Variants in KPNA3 observed in about 807,000 individuals in gnomAD.
The protein encoded by KPNA3 is karyopherin subunit alpha 3, also known as importin subunit alpha-4.
In KPNA3, 13 loss-of-function variants were observed where a neutral mutation model predicts 73.8. That is an observed-to-expected ratio of 0.18 (90% CI 0.11 to 0.28). The LOEUF is 0.28. Among genes scored for constraint, KPNA3 ranks in the 10% least tolerant of loss-of-function variants. KPNA3 has a pLI of 1.00. For missense variants in KPNA3, 360 were observed against 618.1 expected (o/e 0.58, Z 4.43); for synonymous variants, 186 against 206.9 (o/e 0.90, Z 0.87).
intron 9 of KPNA3, 27 bp downstream of exon 9, chr13:49,721,928 A>G (rs766050325): frequency 8.9e-6 from 13 of 1,458,952 alleles, no homozygotes; most frequent in Admixed American, 4.2e-5. Context: ...AAAATATACC[A>G]TCTGGCCTTT....
At chr13:49,728,504 T>G (rs995808935) in intron 6 of KPNA3, among the ~76,000 whole-genome samples, 2 of 152,178 alleles carry the variant, frequency 1.3e-5, no homozygotes, top group Non-Finnish European at 2.9e-5. Context: ...CAGCAGAGCT[T>G]CCAATGAAAA....
chr13:49,764,395 A>G (rs1954793110), intron 1 of KPNA3, among the ~76,000 whole-genome samples: 1 of 152,130 alleles, frequency 6.6e-6, no homozygotes, highest in Non-Finnish European at 1.5e-5. Context: ...CTGTCTGGAA[A>G]TCTTTCCAGG....
At chr13:49,751,063 G>C (rs1174072257) in intron 1 of KPNA3, among the ~76,000 whole-genome samples, 5 of 152,208 alleles carry the variant, frequency 3.3e-5, no homozygotes, top group African/African-American at 7.2e-5. Flanking sequence ...GATATAATCA[G>C]AGGGACAGAA....
chr13:49,778,987 G>C (rs1954920197), intron 1 of KPNA3, among the ~76,000 whole-genome samples: 1 of 152,078 alleles, frequency 6.6e-6, no homozygotes, highest in Admixed American at 6.5e-5. Flanking sequence ...CAGAAAACCT[G>C]GTTACCAACT....
rs1034856026 is a variant in KPNA3 at position 49,765,310 on chromosome 13, G to A, written c.70-18317C>T. Among the ~76,000 whole-genome samples the A allele has an allele frequency of 1.1e-4, 17 of 152,098 alleles. No homozygotes were observed. The East Asian group carries it at 2.3e-3, about 21-fold the overall frequency. On this transcript the variant is annotated intron_variant, in intron 1 of 16. Coordinates refer to ENST00000261667, the MANE Select transcript of KPNA3 (RefSeq NM_002267.4). ...AATATTTGTATCTGGCATCTAAAAC[G>A]TACTATTTATTATTTTGCTCACCTG...
intron 9 of KPNA3, 50 bp downstream of exon 9, chr13:49,721,905 T>C (rs774928111): frequency 7.8e-7 from 1 of 1,285,978 alleles, no homozygotes; most frequent in Admixed American, 2.5e-5. Flanking sequence ...ATTCCTGAAG[T>C]ACAAACATAG....
intron 2 of KPNA3, among the ~76,000 whole-genome samples, chr13:49,743,860 C>G (rs1378807958): frequency 6.6e-6 from 1 of 152,094 alleles, no homozygotes; most frequent in African/African-American, 2.4e-5. Context: ...GGGCCCATAT[C>G]TGGTGGCAGA....
At chr13:49,745,328 C>T (rs1954606865) in intron 2 of KPNA3, among the ~76,000 whole-genome samples, 1 of 151,908 alleles carries the variant, frequency 6.6e-6, no homozygotes, top group African/African-American at 2.4e-5. Context: ...GACCTCCTTC[C>T]TTCTCCCTAC....
chr13:49,786,372 T>C (rs763803211), intron 1 of KPNA3, among the ~76,000 whole-genome samples: 1 of 152,160 alleles, frequency 6.6e-6, no homozygotes, highest in Admixed American at 6.6e-5. Context: ...ATCACAGCAA[T>C]TTATCCCAAA....
At chr13:49,754,150 A>C (rs955999342) in intron 1 of KPNA3, among the ~76,000 whole-genome samples, 1 of 152,044 alleles carries the variant, frequency 6.6e-6, no homozygotes, top group Non-Finnish European at 1.5e-5. Context: ...TACAAAAAAT[A>C]GCCGGGTGTG....
In KPNA3 at chr13:49,730,254, C is replaced by T. The variant is rs569480091; in HGVS notation, c.383+2117G>A. Among the ~76,000 whole-genome samples, 36 of 152,144 alleles carry T rather than the reference C, an allele frequency of 2.4e-4. No individual in the cohort carries two copies. The South Asian group carries it at 5.0e-3, about 21-fold the overall frequency. ...TGGCCACAAACAAGGGGCCCTAGGC[C>T]GGGCCCAGTGGCTCATGCCTGTAAT... On this transcript the variant is annotated intron_variant, in intron 6 of 16. Transcript: ENST00000261667.
At chr13:49,780,719 C>CTT (rs11352434) in intron 1 of KPNA3, among the ~76,000 whole-genome samples, 6 of 130,456 alleles carry the variant, frequency 4.6e-5, no homozygotes, top group Non-Finnish European at 8.1e-5. Context: ...AAAAATATTT[C>CTT]TTTTTTTTTT....
intron 1 of KPNA3, among the ~76,000 whole-genome samples, chr13:49,754,507 G>C (rs896442276): frequency 6.6e-6 from 1 of 150,650 alleles, no homozygotes; most frequent in Admixed American, 6.6e-5. Context: ...TCCCAGCTTC[G>C]ACACCCTACA....
intron 1 of KPNA3, among the ~76,000 whole-genome samples, chr13:49,776,627 GAAA>G (rs1954900074): frequency 6.6e-6 from 1 of 151,886 alleles, no homozygotes; most frequent in Admixed American, 6.6e-5. Flanking sequence ...AGAATAAATA[GAAA>G]AATAACTATA....
chr13:49,712,174 G>A lies in KPNA3; in HGVS notation c.772-1152C>T, dbSNP rs542084801. ...AGTAACTAGATTTACCTAGAAACAG[G>A]GGTCTCAAAGCATAACACCAATATG... On this transcript the variant is annotated intron_variant, in intron 10 of 16. Coordinates refer to ENST00000261667, the MANE Select transcript of KPNA3 (RefSeq NM_002267.4). 3.9e-5 allele frequency among the ~76,000 whole-genome samples: 6 copies of A among 152,200 alleles called. No homozygotes were observed. The South Asian group carries it at 1.2e-3, about 32-fold the overall frequency.
intron 1 of KPNA3, among the ~76,000 whole-genome samples, chr13:49,771,896 C>A (rs1397371783): frequency 6.6e-6 from 1 of 152,116 alleles, no homozygotes; most frequent in Non-Finnish European, 1.5e-5. Flanking sequence ...GCTCAGGCAA[C>A]CCACCTGTCT....
In KPNA3 at chr13:49,701,695, G is replaced by A. The variant is rs1954149261; in HGVS notation, c.*105C>T. 1.2e-6 allele frequency: 1 copy of A among 805,242 alleles called. No individual in the cohort carries two copies. The highest frequency in any genetic ancestry group is 2.4e-5 in the East Asian group (1 of 41,042). 49.9% of individuals were successfully genotyped at this position (805,242 alleles called of 1,614,324 possible). A position where few individuals can be genotyped will look rare whatever the true frequency, so the allele number is the denominator to read the frequency against. ...TGCTTTAGAAGCATCAAAACAAAGA[G>A]GCATGTGTGTTTTGGAGCCTTTTGT... is the stretch of plus-strand genomic sequence containing the variant. On this transcript the variant is annotated 3_prime_UTR_variant, in exon 17 of 17. Transcript: ENST00000261667.
intron 1 of KPNA3, among the ~76,000 whole-genome samples, chr13:49,759,275 T>C (rs1271474419): frequency 6.6e-6 from 1 of 152,204 alleles, no homozygotes; most frequent in African/African-American, 2.4e-5. Context: ...AAACAAATTT[T>C]ATCATGGGGT....
chr13:49,719,764 T>G lies in KPNA3; in HGVS notation c.771+11A>C, dbSNP rs1954337944. The stretch of plus-strand genomic sequence containing the variant: ...AGCAAAATCCCACATTTAAGCTGCT[T>G]CTTAACTTACGTTTATATCTGTATG... On this transcript the variant is annotated intron_variant, in intron 10 of 16. Transcript: ENST00000261667. The G allele has an allele frequency of 6.3e-7, 1 of 1,594,038 alleles. No homozygotes were observed. The highest frequency in any genetic ancestry group is 1.3e-5 in the African/African-American group (1 of 74,524).
Sources: gnomAD v4.1 joint callset for allele counts (sites outside exome capture counted in the v4.1 genomes callset) on GRCh38, gnomAD v4.1.1 for gene constraint, MANE v1.5 for transcripts, NCBI Gene and HGNC (gene_info 2026-07-23, HGNC 2026-07-21) for gene names.